The following HIF1A variants were observed in gnomAD, a reference collection of about 807,000 sequenced individuals.
HIF1A encodes the protein hypoxia-inducible factor 1-alpha.
HIF1A carries 24 observed loss-of-function variants against 92.7 expected under a neutral mutation model. The ratio of observed to expected loss-of-function variants is 0.26; its 90% confidence interval spans 0.19 to 0.36. HIF1A has a LOEUF of 0.36. HIF1A is among the 10% of genes least tolerant of loss of function. The pLI is 1.00. For synonymous variants in HIF1A, 319 were observed against 338.7 expected (o/e 0.94, Z 0.64); for missense variants, 799 against 998.5 (o/e 0.80, Z 2.69).
At chr14:61,728,359 A>G (rs17099144) in intron 6 of HIF1A, among the ~76,000 whole-genome samples, 2,344 of 152,290 alleles carry the variant, frequency 0.015, 58 homozygotes, top group African/African-American at 0.054. Context: ...AACCTTGCCC[A>G]TGGTTTCTAT....
intron 1 of HIF1A, among the ~76,000 whole-genome samples, chr14:61,707,575 C>T (rs185000025): frequency 0.028 from 4,295 of 151,656 alleles, 149 homozygotes; most frequent in East Asian, 0.14. Flanking sequence ...TTTGTCCTTG[C>T]GATAGTTTGC....
Position 61,734,133 on chromosome 14 carries a change from C to G in HIF1A, c.881-5C>G, listed in dbSNP as rs1212595983. 3 of 1,544,590 alleles carry G rather than the reference C, an allele frequency of 1.9e-6. No individual in the cohort carries two copies. The highest frequency in any genetic ancestry group is 1.4e-5 in the African/African-American group (1 of 71,792). On this transcript the variant is annotated splice_region_variant and splice_polypyrimidine_tract_variant and intron_variant, in intron 7 of 14. Coordinates refer to ENST00000337138, the MANE Select transcript of HIF1A (RefSeq NM_001530.4). ...CTGCATGATTCTTTTTCTTTTCCCC[C>G]CTAGTGTTTACTAAAGGACAAGTCA... is the stretch of plus-strand genomic sequence containing the variant.
intron 4 of HIF1A, among the ~76,000 whole-genome samples, chr14:61,723,257 C>G (rs2044455599): frequency 6.7e-6 from 1 of 148,416 alleles, no homozygotes; most frequent in Non-Finnish European, 1.5e-5. Flanking sequence ...ACTGTTCTTC[C>G]TATTTTATAT....
chr14:61,735,847 T>G (rs544631150), intron 8 of HIF1A, among the ~76,000 whole-genome samples: 1 of 152,174 alleles, frequency 6.6e-6, no homozygotes, highest in Non-Finnish European at 1.5e-5. Flanking sequence ...GCCTCACATA[T>G]TGATGCCAAA....
intron 5 of HIF1A, 44 bp downstream of exon 5, chr14:61,726,862 C>T (rs764770708): frequency 1.8e-6 from 2 of 1,085,000 alleles, no homozygotes; most frequent in Non-Finnish European, 1.4e-6. Flanking sequence ...TTTATTTATA[C>T]ATAGACATTG....
At chr14:61,718,795 TC>T (rs1052545183) in intron 1 of HIF1A, among the ~76,000 whole-genome samples, 9 of 152,306 alleles carry the variant, frequency 5.9e-5, no homozygotes, top group East Asian at 3.9e-4. Flanking sequence ...TTCCTTTTTT[TC>T]CTCCACCATC....
chr14:61,707,644 T>A (rs2044255836), intron 1 of HIF1A, among the ~76,000 whole-genome samples: 1 of 151,850 alleles, frequency 6.6e-6, no homozygotes, highest in Non-Finnish European at 1.5e-5. Flanking sequence ...ACTCATCCTT[T>A]TTTATGGCTG....
rs1427567704 is a variant in HIF1A, at chr14:61,695,813, C to A, written c.9C>A (p.Gly3=). The A allele has an allele frequency of 6.3e-7, 1 of 1,595,800 alleles. No individual in the cohort carries two copies. Among genetic ancestry groups the A allele is most frequent in the South Asian group, 1.1e-5 (1 of 87,820 alleles). ...GCGGGGACCGATTCACCATGGAGGG[C>A]GCCGGCGGCGCGAACGACAAGAAAA... ME[G]AGGANDKKKI... Residue 3 remains glycine, a synonymous_variant, in exon 1 of 15, where the codon GGC becomes GGA. Transcript: ENST00000337138.
chr14:61,736,231 C>G (rs1376282217), intron 8 of HIF1A, among the ~76,000 whole-genome samples: 2 of 152,154 alleles, frequency 1.3e-5, no homozygotes, highest in Non-Finnish European at 2.9e-5. Context: ...CCCGCCTCAG[C>G]CTCCCAAAGT....
chr14:61,718,558 T>G (rs182737347), intron 1 of HIF1A, among the ~76,000 whole-genome samples: 4 of 152,314 alleles, frequency 2.6e-5, no homozygotes, highest in Admixed American at 2.6e-4. Context: ...TTTACTCTTC[T>G]GCTTATACAG....
At chr14:61,730,765 T>C (rs1379620864) in intron 6 of HIF1A, among the ~76,000 whole-genome samples, 2 of 152,194 alleles carry the variant, frequency 1.3e-5, no homozygotes, top group Non-Finnish European at 2.9e-5. Flanking sequence ...TGTCTTTGCA[T>C]TTTCATGCCT....
At chr14:61,715,144 A>T (rs1180779029) in intron 1 of HIF1A, among the ~76,000 whole-genome samples, 2 of 152,204 alleles carry the variant, frequency 1.3e-5, no homozygotes, top group African/African-American at 4.8e-5. Context: ...AATAAAGTCT[A>T]CTGGGAGTAT....
At chr14:61,729,487 A>ACG (rs1480018245) in intron 6 of HIF1A, among the ~76,000 whole-genome samples, 2 of 142,166 alleles carry the variant, frequency 1.4e-5, no homozygotes, top group Non-Finnish European at 1.6e-5. Flanking sequence ...AACAAAAAAA[A>ACG]GACCTCAGAA....
At chr14:61,706,306 T>C (rs778532097) in intron 1 of HIF1A, among the ~76,000 whole-genome samples, 3 of 152,178 alleles carry the variant, frequency 2.0e-5, no homozygotes, top group African/African-American at 4.8e-5. Flanking sequence ...TTTTAAAAAA[T>C]TGTTTCAGAG....
chr14:61,746,389 C>CTTT (rs2044787953), intron 14 of HIF1A, among the ~76,000 whole-genome samples: 1 of 48,624 alleles, frequency 2.1e-5, no homozygotes, highest in Non-Finnish European at 8.2e-5. Context: ...ACTTTTATGA[C>CTTT]TTCTTTTTTT....
In HIF1A at chr14:61,741,074, G is replaced by C; in HGVS notation, c.1979G>C (p.Arg660Thr). Residue 660 changes from arginine to threonine, a missense_variant, in exon 12 of 15, where the codon AGA (arginine) becomes ACA (threonine). This residue lies in a region of HIF1A where 283 missense variants were observed against 277.5 expected (regional missense o/e 1.02). Transcript: ENST00000337138. ...ETTSATSSPY[R>T]DTQSRTASPN... ...ACTAGTGCCACATCATCACCATATAGAGATACTCAAAGTCGGACAGCCTCA... is the reference window on the plus strand; with the variant it reads ...ACTAGTGCCACATCATCACCATATACAGATACTCAAAGTCGGACAGCCTCA... The C allele has an allele frequency of 6.2e-7, 1 of 1,613,920 alleles. No homozygotes were observed. The highest frequency in any genetic ancestry group is 8.5e-7 in the Non-Finnish European group (1 of 1,179,810).
At chr14:61,738,406 C>G in intron 10 of HIF1A, 33 bp downstream of exon 10, 11 of 1,505,638 alleles carry the variant, frequency 7.3e-6, no homozygotes, top group Non-Finnish European at 9.9e-6. Flanking sequence ...AAAGGGACAA[C>G]TTTCAGATTT....
chr14:61,727,224 T>C (rs1403558550), intron 5 of HIF1A, among the ~76,000 whole-genome samples: 2 of 152,186 alleles, frequency 1.3e-5, no homozygotes, highest in Admixed American at 6.5e-5. Context: ...CTAGACTTTA[T>C]ACGAGGGGAA....
At chr14:61,731,528 T>C (rs2044575650) in intron 6 of HIF1A, among the ~76,000 whole-genome samples, 1 of 152,230 alleles carries the variant, frequency 6.6e-6, no homozygotes, top group South Asian at 2.1e-4. Context: ...AAAACTAAAC[T>C]AAGTACAAGA....
Sources: gnomAD v4.1 joint callset for allele counts (sites outside exome capture counted in the v4.1 genomes callset) on GRCh38, gnomAD v4.1.1 for gene constraint, gnomAD v4.1.1 regional missense constraint, MANE v1.5 for transcripts, NCBI Gene and HGNC (gene_info 2026-07-23, HGNC 2026-07-21) for gene names.